Variants in SUPT20H observed in about 807,000 individuals in gnomAD.
SUPT20H encodes SPT20 homolog, SAGA complex component.
SUPT20H carries 82 observed loss-of-function variants against 122.8 expected under a neutral mutation model. That is an observed-to-expected ratio of 0.67 (90% CI 0.56 to 0.80). The LOEUF (loss-of-function observed/expected upper bound fraction) is 0.80, where lower values mean the gene tolerates loss of function less well. SUPT20H is among the 30% of genes least tolerant of loss of function. SUPT20H has a pLI of 0.00. For missense variants in SUPT20H, 831 were observed against 921.6 expected (o/e 0.90, Z 1.27); for synonymous variants, 291 against 313.0 (o/e 0.93, Z 0.74).
At position 37,017,335 on chromosome 13, in the gene SUPT20H, A is replaced by C. The variant is rs2060682552; in HGVS notation, c.1902T>G (p.Thr634=). The change falls in exon 23 of 26, where the codon ACT becomes ACG. Residue 634 remains threonine (T), a synonymous_variant. Transcript: ENST00000350612. Reference sequence around the variant, plus strand: ...AGAGCTGCTGTTGCTGCTGCTGCAGAGTGTTAAAAATAAGTGAACCACCTG... The same window carrying C: ...AGAGCTGCTGTTGCTGCTGCTGCAGCGTGTTAAAAATAAGTGAACCACCTG... ...QLPGGSLIFN[T]LQQQQQQLSQ... 6.2e-7 allele frequency: 1 copy of C among 1,613,922 alleles called. No homozygotes were observed. The highest frequency in any genetic ancestry group is 8.5e-7 in the Non-Finnish European group (1 of 1,179,972).
intron 2 of SUPT20H, 44 bp from the exon 3 acceptor site, chr13:37,048,643 A>C (rs781533434): frequency 6.5e-7 from 1 of 1,536,824 alleles, no homozygotes; most frequent in South Asian, 1.2e-5. Context: ...AGTTATTTCC[A>C]CAAAAAAATT....
rs757682924 is a variant in SUPT20H, at chr13:37,033,509, G to C, written c.647C>G (p.Thr216Ser). Residue 216 changes from threonine (T) to serine (S), a missense_variant, in exon 10 of 26, where the codon ACC (threonine) becomes AGC (serine). Transcript: ENST00000350612. Reference protein sequence around the residue: ...PLCLDPSIAVTCTANRLLYNK... With the variant: ...PLCLDPSIAVSCTANRLLYNK... ...ATAGAGCAGTCTGTTTGCAGTGCAG[G>C]TGACTGCTATAGAAGGATCAAGACA... 6.2e-7 allele frequency: 1 copy of C among 1,613,670 alleles called. No individual in the cohort carries two copies. Among genetic ancestry groups the C allele is most frequent in the Non-Finnish European group, 8.5e-7 (1 of 1,179,786 alleles).
At chr13:37,012,408 T>G in intron 23 of SUPT20H, 111 bp from the exon 24 acceptor site, 1 of 684,308 alleles carries the variant, frequency 1.5e-6, no homozygotes, top group Non-Finnish European at 2.5e-6. Flanking sequence ...TAGACTAGTC[T>G]TGTAAAAAGA....
Position 37,026,225 on chromosome 13 carries a change from C to A in SUPT20H, c.1190G>T (p.Gly397Val), listed in dbSNP as rs769656310. 3.2e-5 allele frequency: 48 copies of A among 1,522,960 alleles called. No individual in the cohort carries two copies. Among genetic ancestry groups the A allele is most frequent in the Non-Finnish European group, 4.0e-5 (46 of 1,145,348 alleles). The allele number at this position is 1,522,960 out of a possible 1,614,324, so 94.3% of individuals were successfully genotyped here. A position where few individuals can be genotyped will look rare whatever the true frequency, so the allele number is the denominator to read the frequency against. Residue 397 changes from glycine (G) to valine (V), a missense_variant, in exon 16 of 26, where the codon GGA (glycine) becomes GTA (valine). Coordinates refer to ENST00000350612, the MANE Select transcript of SUPT20H (RefSeq NM_001014286.3). ...TTACCTCTCAGCATCGGTCTTTGAT[C>A]CAATAATGAACCTAAAATGTTTAAG... The part of the protein sequence containing the change: ...TDDHSNWFII[G>V]SKTDAERVVN...
chr13:37,051,296 T>C (rs1458117262), intron 2 of SUPT20H, among the ~76,000 whole-genome samples, 192 bp downstream of exon 2: 2 of 152,170 alleles, frequency 1.3e-5, no homozygotes, highest in East Asian at 3.8e-4. Context: ...ATGTGATCAC[T>C]GTAACACTGA....
rs374379936 is a variant in SUPT20H at position 37,040,590 on chromosome 13, G to C, written c.499C>G (p.Arg167Gly). ...PGYQSRHILL[R>G]PTMQTLICDV... Reference sequence around the variant, plus strand: ...AACATCCTTACCTGCATTGTTGGACGTAAGAGAATGTGCCGACTTTGGTAA... The same window carrying C: ...AACATCCTTACCTGCATTGTTGGACCTAAGAGAATGTGCCGACTTTGGTAA... Residue 167 changes from arginine (R) to glycine (G), a missense_variant, in exon 8 of 26, where the codon CGT becomes GGT. Coordinates refer to ENST00000350612, the MANE Select transcript of SUPT20H (RefSeq NM_001014286.3). 2 of 1,613,826 alleles carry C rather than the reference G, an allele frequency of 1.2e-6. No individual in the cohort carries two copies. Among genetic ancestry groups the C allele is most frequent in the Non-Finnish European group, 1.7e-6 (2 of 1,179,818 alleles).
chr13:37,022,127 A>G lies in SUPT20H; in HGVS notation c.1592-47T>C, dbSNP rs979148472. 4 of 1,614,044 alleles carry G rather than the reference A, an allele frequency of 2.5e-6. No individual in the cohort carries two copies. The highest frequency in any genetic ancestry group is 3.4e-6 in the Non-Finnish European group (4 of 1,180,020). On this transcript the variant is annotated intron_variant, in intron 19 of 25. Coordinates refer to ENST00000350612, the MANE Select transcript of SUPT20H (RefSeq NM_001014286.3). The surrounding 1 kb of genome is among the most constrained non-coding windows in gnomAD (Gnocchi z 4.5). ...TGGTGGAAAGAGGAATGGTTGTTACAGGCATTGCCTGGCTCAGAGACCTTT... is the reference window on the plus strand; with the variant it reads ...TGGTGGAAAGAGGAATGGTTGTTACGGGCATTGCCTGGCTCAGAGACCTTT...
At chr13:37,018,588 C>T (rs2060928633) in intron 22 of SUPT20H, among the ~76,000 whole-genome samples, 1 of 152,192 alleles carries the variant, frequency 6.6e-6, no homozygotes, top group Non-Finnish European at 1.5e-5. Flanking sequence ...TTCCAAACTA[C>T]TAGCTTAAAG....
At chr13:37,012,148 A>G in intron 24 of SUPT20H, 44 bp downstream of exon 24, 1 of 1,442,186 alleles carries the variant, frequency 6.9e-7, no homozygotes, top group Non-Finnish European at 9.7e-7. Context: ...AATAGATTAG[A>G]TATGTTTAGT....
At chr13:37,046,818 T>C (rs774560113) in intron 5 of SUPT20H, 2 of 152,204 alleles carry the variant, frequency 1.3e-5, no homozygotes, top group African/African-American at 2.4e-5. Context: ...AAAAACATAC[T>C]GTAAGATTTA....
chr13:37,028,706 G>C (rs1201737950), intron 13 of SUPT20H, among the ~76,000 whole-genome samples: 2 of 151,702 alleles, frequency 1.3e-5, no homozygotes, highest in Non-Finnish European at 2.9e-5. Flanking sequence ...TATTACCTCC[G>C]TATTAGAAGT....
At chr13:37,042,095 G>C (rs1287036833) in intron 7 of SUPT20H, among the ~76,000 whole-genome samples, 1 of 152,186 alleles carries the variant, frequency 6.6e-6, no homozygotes. Flanking sequence ...ATGAGATCTA[G>C]AAGATGAAGA....
intron 23 of SUPT20H, among the ~76,000 whole-genome samples, chr13:37,016,254 G>A (rs1177124477): frequency 1.3e-5 from 2 of 151,758 alleles, no homozygotes; most frequent in Non-Finnish European, 1.5e-5. Flanking sequence ...GTGAAACTCC[G>A]TCTCTACTAA....
intron 10 of SUPT20H, among the ~76,000 whole-genome samples, chr13:37,032,298 A>T (rs2138110336): frequency 6.6e-6 from 1 of 152,220 alleles, no homozygotes; most frequent in Non-Finnish European, 1.5e-5. Context: ...AATGATGAGA[A>T]GGAATTAGCT....
chr13:37,051,245 T>G (rs915473278), intron 2 of SUPT20H, among the ~76,000 whole-genome samples: 15 of 152,336 alleles, frequency 9.8e-5, no homozygotes, highest in Admixed American at 2.6e-4. Context: ...TAGGTAAATA[T>G]TTTTAATACT....
At chr13:37,028,483 T>C (rs548941699) in intron 13 of SUPT20H, among the ~76,000 whole-genome samples, 178 bp from the exon 14 acceptor site, 5 of 152,170 alleles carry the variant, frequency 3.3e-5, no homozygotes, top group Non-Finnish European at 7.3e-5. Context: ...CACGGTTCTT[T>C]TCCTAAAAAC....
At chr13:37,035,558 T>C (rs1024893160) in intron 9 of SUPT20H, among the ~76,000 whole-genome samples, 1 of 151,752 alleles carries the variant, frequency 6.6e-6, no homozygotes, top group African/African-American at 2.4e-5. Context: ...TCTCCCTCTG[T>C]CGCCCAGGCT....
chr13:37,019,602 C>T lies in SUPT20H; in HGVS notation c.1817-205G>A, dbSNP rs183820572. On this transcript the variant is annotated intron_variant, in intron 21 of 25. Coordinates refer to ENST00000350612, the MANE Select transcript of SUPT20H (RefSeq NM_001014286.3). ...AGATTTTATTCAAAGTTGTGAAGCA[C>T]CAGATGCACATTATATTCTATATTT... 4.1e-3 allele frequency among the ~76,000 whole-genome samples: 625 copies of T among 152,270 alleles called. 2 individuals carry two copies. The highest frequency in any genetic ancestry group is 0.014 in the Middle Eastern group (4 of 292).
At chr13:37,021,653 C>A (rs1349920618) in intron 20 of SUPT20H, 51 bp from the exon 21 acceptor site, 27 of 1,537,506 alleles carry the variant, frequency 1.8e-5, no homozygotes, top group Non-Finnish European at 2.3e-5. Context: ...AGGAAAAAAT[C>A]AGCCACACAA....
Sources: gnomAD v4.1 joint callset for allele counts (sites outside exome capture counted in the v4.1 genomes callset) on GRCh38, gnomAD v4.1.1 for gene constraint, Gnocchi (gnomAD v3.1) non-coding constraint, MANE v1.5 for transcripts, NCBI Gene and HGNC (gene_info 2026-07-23, HGNC 2026-07-21) for gene names.